NRXN3: variants seen among roughly 807,000 people sequenced by gnomAD.
NRXN3 encodes the protein neurexin 3.
In NRXN3, 32 loss-of-function variants were observed where a neutral mutation model predicts 137.6. That is an observed-to-expected ratio of 0.23 (90% CI 0.18 to 0.31). The LOEUF (loss-of-function observed/expected upper bound fraction) is 0.31. Ranked by LOEUF, NRXN3 falls within the 10% of genes least tolerant of loss-of-function variation. The pLI is 1.00. For synonymous variants in NRXN3, 798 were observed against 784.5 expected (o/e 1.02, Z -0.29); for missense variants, 1,574 against 2,062.5 (o/e 0.76, Z 4.59).
intron 7 of NRXN3, among the ~76,000 whole-genome samples, chr14:78,712,977 T>C (rs1246115819): frequency 6.6e-6 from 1 of 152,244 alleles, no homozygotes; most frequent in Non-Finnish European, 1.5e-5. Context: ...AGGTGAAGGC[T>C]GACTGATGGA....
intron 4 of NRXN3, among the ~76,000 whole-genome samples, chr14:78,378,991 C>A (rs142316067): frequency 2.6e-5 from 4 of 151,846 alleles, no homozygotes; most frequent in African/African-American, 9.6e-5. Context: ...TACTGCAAAG[C>A]AACCCTACAC....
At chr14:78,764,838 G>A (rs1241453781) in intron 8 of NRXN3, among the ~76,000 whole-genome samples, 2 of 152,128 alleles carry the variant, frequency 1.3e-5, no homozygotes, top group African/African-American at 4.8e-5. Flanking sequence ...GCGAGCCACC[G>A]TCCAAGGCTC....
intron 16 of NRXN3, among the ~76,000 whole-genome samples, chr14:79,515,061 G>A (rs986200217): frequency 1.3e-5 from 2 of 150,564 alleles, no homozygotes; most frequent in Admixed American, 1.3e-4. Flanking sequence ...ATCTGTGGCA[G>A]AGCCTCAGAG....
At chr14:78,704,181 T>C (rs764302090) in intron 6 of NRXN3, among the ~76,000 whole-genome samples, 10 of 152,204 alleles carry the variant, frequency 6.6e-5, no homozygotes, top group Non-Finnish European at 1.2e-4. Context: ...TTGGAAGAAT[T>C]TGAAGTAATA....
rs146777217 is a variant in NRXN3, at chr14:78,802,311, C to T, written c.2045-1309C>T. Among the ~76,000 whole-genome samples the T allele has an allele frequency of 4.2e-4, 64 of 152,212 alleles. 2 individuals carry two copies. The East Asian group carries it at 0.011, about 26-fold the overall frequency. On this transcript the variant is annotated intron_variant, in intron 8 of 20. Coordinates refer to ENST00000335750, the MANE Select transcript of NRXN3 (RefSeq NM_001330195.2). ...TTTTCCCAAACACCACATGTTCTCA[C>T]TCATAGGTGGGAACTGAACAATGAG...
chr14:79,159,625 C>A (rs572419855), intron 15 of NRXN3, among the ~76,000 whole-genome samples: 1 of 151,852 alleles, frequency 6.6e-6, no homozygotes, highest in African/African-American at 2.4e-5. Flanking sequence ...CATTTTTAAA[C>A]TGCTGATTTA....
At chr14:78,607,850 AT>A (rs1193510365) in intron 4 of NRXN3, among the ~76,000 whole-genome samples, 2 of 152,064 alleles carry the variant, frequency 1.3e-5, no homozygotes, top group South Asian at 2.1e-4. Context: ...CCTCAGTGAC[AT>A]TTTTTGGCCT....
At chr14:78,849,854 A>C (rs1046695924) in intron 10 of NRXN3, among the ~76,000 whole-genome samples, 1 of 152,130 alleles carries the variant, frequency 6.6e-6, no homozygotes, top group Non-Finnish European at 1.5e-5. Flanking sequence ...AGGAACACAA[A>C]GCTTTAAGTG....
At chr14:79,472,014 C>T (rs2096516209) in intron 16 of NRXN3, among the ~76,000 whole-genome samples, 1 of 152,096 alleles carries the variant, frequency 6.6e-6, no homozygotes, top group African/African-American at 2.4e-5. Context: ...CTCCCAAAGG[C>T]CCAGTGTGTG....
At chr14:78,264,595 G>A (rs1239633568) in intron 2 of NRXN3, among the ~76,000 whole-genome samples, 2 of 152,004 alleles carry the variant, frequency 1.3e-5, no homozygotes, top group African/African-American at 2.4e-5. Flanking sequence ...ACATCTGGGG[G>A]TGAGGGGGTG....
At chr14:78,357,082 G>T (rs777320635) in intron 4 of NRXN3, among the ~76,000 whole-genome samples, 1 of 152,148 alleles carries the variant, frequency 6.6e-6, no homozygotes, top group African/African-American at 2.4e-5. Context: ...GAAGACAGGG[G>T]TGTATTAGTC....
At chr14:79,054,960 G>T (rs1396483096) in intron 15 of NRXN3, among the ~76,000 whole-genome samples, 2 of 152,180 alleles carry the variant, frequency 1.3e-5, no homozygotes, top group African/African-American at 4.8e-5. Flanking sequence ...AGTGGATGTT[G>T]TATGTAAATA....
chr14:78,817,191 A>G (rs1457337760), intron 10 of NRXN3, among the ~76,000 whole-genome samples: 3 of 152,186 alleles, frequency 2.0e-5, no homozygotes, highest in Non-Finnish European at 2.9e-5. Flanking sequence ...TGGGTTCAAC[A>G]CTTGTCTATG....
At chr14:79,856,281 G>C (rs1307985620) in intron 20 of NRXN3, among the ~76,000 whole-genome samples, 1 of 152,070 alleles carries the variant, frequency 6.6e-6, no homozygotes, top group Non-Finnish European at 1.5e-5. Flanking sequence ...GGTTGATAGA[G>C]AGCAATTTCA....
chr14:78,912,069 CTG>C (rs1452517032), intron 10 of NRXN3, among the ~76,000 whole-genome samples: 29 of 151,712 alleles, frequency 1.9e-4, no homozygotes, highest in Admixed American at 4.6e-4. Flanking sequence ...ATCCCTCCCC[CTG>C]CCCCCCATCC....
At chr14:78,584,635 T>C (rs1480613427) in intron 4 of NRXN3, among the ~76,000 whole-genome samples, 4 of 152,230 alleles carry the variant, frequency 2.6e-5, no homozygotes, top group African/African-American at 4.8e-5. Flanking sequence ...GTGAGATAAA[T>C]TGATAAGCAC....
chr14:78,573,963 C>T (rs562241746), intron 4 of NRXN3, among the ~76,000 whole-genome samples: 1 of 152,330 alleles, frequency 6.6e-6, no homozygotes, highest in Admixed American at 6.5e-5. Flanking sequence ...GGATTGGGCC[C>T]AGGGCCTTGC....
At chr14:79,037,878 C>T (rs938804214) in intron 15 of NRXN3, among the ~76,000 whole-genome samples, 6 of 152,014 alleles carry the variant, frequency 3.9e-5, no homozygotes, top group African/African-American at 9.7e-5. Context: ...GACGCTGGTA[C>T]GGGCTGTGGT....
intron 15 of NRXN3, among the ~76,000 whole-genome samples, chr14:79,432,751 A>C (rs2095784145): frequency 6.6e-6 from 1 of 152,234 alleles, no homozygotes; most frequent in Non-Finnish European, 1.5e-5. Flanking sequence ...TTAAAAAATC[A>C]TGAGGTCTTC....
Sources: allele counts gnomAD v4.1 joint callset (sites outside exome capture counted in the v4.1 genomes callset), GRCh38; gene constraint gnomAD v4.1.1; transcripts MANE v1.5; gene names NCBI Gene and HGNC (gene_info 2026-07-23, HGNC 2026-07-21).